AP1G1: variants seen among roughly 807,000 people sequenced by gnomAD.
The protein encoded by AP1G1 is adaptor related protein complex 1 subunit gamma 1, also known as AP-1 complex subunit gamma-1.
AP1G1 carries 7 observed loss-of-function variants against 108.3 expected under a neutral mutation model. That is an observed-to-expected ratio of 0.06 (90% CI 0.04 to 0.12). The LOEUF (loss-of-function observed/expected upper bound fraction) is 0.12, where lower values mean the gene tolerates loss of function less well. Among genes scored for constraint, AP1G1 ranks in the 10% least tolerant of loss-of-function variants. AP1G1 has a pLI of 1.00. For missense variants in AP1G1, 756 were observed against 1,010.7 expected (o/e 0.75, Z 3.42); for synonymous variants, 379 against 353.5 (o/e 1.07, Z -0.81).
intron 11 of AP1G1, chr16:71,758,525 T>G: frequency 3.5e-6 from 2 of 574,734 alleles, no homozygotes; most frequent in South Asian, 2.8e-5. Context: ...TTTGCCTAGC[T>G]TATCTGTGCC....
intron 3 of AP1G1, among the ~76,000 whole-genome samples, chr16:71,773,579 G>A (rs773765264): frequency 4.4e-4 from 67 of 152,120 alleles, no homozygotes; most frequent in Non-Finnish European, 7.9e-4. Context: ...AATGTTTCCA[G>A]GTACCAAAGC....
At chr16:71,785,537 T>G (rs1478332916) in intron 2 of AP1G1, among the ~76,000 whole-genome samples, 5 of 143,820 alleles carry the variant, frequency 3.5e-5, no homozygotes, top group African/African-American at 1.3e-4. Context: ...ATTGTGCCAT[T>G]GTACTCCAGC....
intron 19 of AP1G1, among the ~76,000 whole-genome samples, chr16:71,740,039 G>A (rs973672014): frequency 1.3e-5 from 2 of 152,166 alleles, no homozygotes; most frequent in Non-Finnish European, 2.9e-5. Flanking sequence ...TGAAAATTTC[G>A]ATGTCTGATA....
chr16:71,749,611 G>C (rs796316306), intron 15 of AP1G1, among the ~76,000 whole-genome samples: 1 of 151,894 alleles, frequency 6.6e-6, no homozygotes, highest in African/African-American at 2.4e-5. Flanking sequence ...TTGAGACAGG[G>C]TCTCACTCCT....
At chr16:71,733,406 T>G (rs1341510953) in intron 22 of AP1G1, among the ~76,000 whole-genome samples, 1 of 152,180 alleles carries the variant, frequency 6.6e-6, no homozygotes, top group Admixed American at 6.5e-5. Flanking sequence ...ATCCTTGAAC[T>G]GCATTAAAAG....
intron 15 of AP1G1, 81 bp downstream of exon 15, chr16:71,749,813 C>A: frequency 8.2e-7 from 1 of 1,218,918 alleles, no homozygotes; most frequent in Non-Finnish European, 1.2e-6. Context: ...AAGGAATCAA[C>A]CTCAACTCCC....
At chr16:71,800,508 C>T (rs7501228) in intron 1 of AP1G1, among the ~76,000 whole-genome samples, 16 of 150,858 alleles carry the variant, frequency 1.1e-4, no homozygotes, top group African/African-American at 3.7e-4. Flanking sequence ...ATGGAGAAAC[C>T]CCCCCGTCTC....
chr16:71,762,478 G>A (rs1003563583), intron 9 of AP1G1, among the ~76,000 whole-genome samples: 3 of 152,128 alleles, frequency 2.0e-5, no homozygotes, highest in Non-Finnish European at 4.4e-5. Flanking sequence ...GATATTAGAC[G>A]ATTGGAACTT....
chr16:71,792,936 C>A (rs985608666), intron 1 of AP1G1, among the ~76,000 whole-genome samples: 3 of 151,738 alleles, frequency 2.0e-5, no homozygotes, highest in Non-Finnish European at 2.9e-5. Context: ...GGGACACAGA[C>A]CCGAGCAGAT....
intron 2 of AP1G1, among the ~76,000 whole-genome samples, chr16:71,783,355 G>C (rs2032092653): frequency 6.6e-6 from 1 of 151,850 alleles, no homozygotes; most frequent in Non-Finnish European, 1.5e-5. Context: ...TTAGAACCAA[G>C]TTCAATAATG....
intron 1 of AP1G1, among the ~76,000 whole-genome samples, chr16:71,794,826 T>C (rs2032520696): frequency 7.3e-6 from 1 of 137,408 alleles, no homozygotes; most frequent in Admixed American, 7.8e-5. Context: ...TCTCAGGCCA[T>C]GAGAAGTGCT....
intron 7 of AP1G1, among the ~76,000 whole-genome samples, chr16:71,764,999 C>T (rs1009114720): frequency 2.6e-5 from 4 of 152,174 alleles, no homozygotes; most frequent in African/African-American, 7.2e-5. Context: ...CTACCACCTG[C>T]AGAGCTATAT....
chr16:71,780,387 G>C (rs571651631), intron 2 of AP1G1, among the ~76,000 whole-genome samples: 78 of 151,722 alleles, frequency 5.1e-4, no homozygotes, highest in Middle Eastern at 3.4e-3. Flanking sequence ...AACTACTCAG[G>C]AGGCTCAGGC....
chr16:71,766,570 T>G (rs2031325423), intron 6 of AP1G1: 1 of 347,518 alleles, frequency 2.9e-6, no homozygotes, highest in Admixed American at 3.6e-5. Context: ...TTAAGTTAAA[T>G]AGTGTGCAAA....
chr16:71,764,788 G>C, intron 7 of AP1G1, 62 bp from the exon 8 acceptor site: 2 of 1,060,750 alleles, frequency 1.9e-6, no homozygotes, highest in East Asian at 4.9e-5. Flanking sequence ...ATCTCACTTG[G>C]TATGAAATTC....
rs1597069035 is a variant in AP1G1, at chr16:71,774,603, A to G, written c.202-11T>C. The stretch of plus-strand genomic sequence containing the variant: ...CTTGAGGCACTCCAACTGCAAAAAA[A>G]GAAAAAAAAAAAGAAGGAAATTAAA... On this transcript the variant is annotated splice_polypyrimidine_tract_variant and intron_variant, in intron 2 of 22. Coordinates refer to ENST00000299980, the MANE Select transcript of AP1G1 (RefSeq NM_001128.6). The G allele has an allele frequency of 1.3e-6, 2 of 1,555,080 alleles. No individual in the cohort carries two copies. Among genetic ancestry groups the G allele is most frequent in the Non-Finnish European group, 1.7e-6 (2 of 1,157,800 alleles).
chr16:71,795,608 A>G (rs1160430661), intron 1 of AP1G1, among the ~76,000 whole-genome samples: 1 of 152,234 alleles, frequency 6.6e-6, no homozygotes, highest in Non-Finnish European at 1.5e-5. Context: ...TTTCATATGT[A>G]TATCTGAGTT....
rs1300207329 is a variant in AP1G1 at position 71,729,541 on chromosome 16, TAA to T, written c.*3515_*3516del. On this transcript the variant is annotated 3_prime_UTR_variant, in exon 23 of 23. Coordinates refer to ENST00000299980, the MANE Select transcript of AP1G1 (RefSeq NM_001128.6). Reference sequence around the variant, plus strand: ...AAGCTGCTTCGGCATTTCCTTCTGTTAAAGTGTTCCAGGTCCTGGAACCCTGT... The same window carrying T: ...AAGCTGCTTCGGCATTTCCTTCTGTTAGTGTTCCAGGTCCTGGAACCCTGT... 6.6e-6 allele frequency: 1 copy of T among 152,562 alleles called. No homozygotes were observed. The allele number at this position is 152,562 out of a possible 1,614,324, so 9.5% of individuals were successfully genotyped here. A position where few individuals can be genotyped will look rare whatever the true frequency, so the allele number is the denominator to read the frequency against.
chr16:71,804,372 G>C (rs1393461432), intron 1 of AP1G1, among the ~76,000 whole-genome samples: 4 of 148,848 alleles, frequency 2.7e-5, no homozygotes, highest in African/African-American at 9.8e-5. Context: ...AAACCTGTAA[G>C]CCAAGAAATA....
Sources: allele counts gnomAD v4.1 joint callset (sites outside exome capture counted in the v4.1 genomes callset), GRCh38; gene constraint gnomAD v4.1.1; transcripts MANE v1.5; gene names NCBI Gene and HGNC (gene_info 2026-07-23, HGNC 2026-07-21).